Variants in NRCAM observed in about 807,000 individuals in gnomAD.
NRCAM encodes neuronal cell adhesion molecule, also known as NgCAM-related cell adhesion molecule.
NRCAM carries 83 observed loss-of-function variants against 156.5 expected under a neutral mutation model. The ratio of observed to expected loss-of-function variants is 0.53; its 90% CI spans 0.44 to 0.64. The LOEUF is 0.64. NRCAM is among the 30% of genes least tolerant of loss of function. NRCAM has a pLI of 0.00. For missense variants in NRCAM, 1,417 were observed against 1,597.3 expected (o/e 0.89, Z 1.92); for synonymous variants, 538 against 563.9 (o/e 0.95, Z 0.65).
intron 32 of NRCAM, among the ~76,000 whole-genome samples, chr7:108,155,137 CACACACATAT>C (rs1563168816): frequency 1.6e-5 from 2 of 122,150 alleles, no homozygotes; most frequent in African/African-American, 3.8e-5. Context: ...CACACACACA[CACACACATAT>C]AGCAGACCTT....
At position 108,181,881 on chromosome 7, in the gene NRCAM, C is replaced by T. The variant is rs768851472; in HGVS notation, c.2587G>A (p.Glu863Lys). The T allele has an allele frequency of 7.4e-5, 119 of 1,614,012 alleles. 1 individual carries two copies. Among genetic ancestry groups the T allele is most frequent in the Non-Finnish European group, 9.5e-5 (112 of 1,180,018 alleles). The change falls in exon 24 of 33, where the codon GAG (glutamate) becomes AAG (lysine). Residue 863 changes from glutamate (E) to lysine (K), a missense_variant. Physicochemically the swap from Glu to Lys is moderately conservative, Grantham distance 56. Around this residue, in one of 2 missense-constraint regions of NRCAM, gnomAD observed 1,238 missense variants for 1,336.4 expected, o/e 0.93. Coordinates refer to ENST00000379028, the MANE Select transcript of NRCAM (RefSeq NM_001037132.4). ...AGAGGTACTGGGTCCCAGTGCACCT[C>T]GGCTAAGGTACTGTTCACCACATTC... ...RVNVVNSTLA[E>K]VHWDPVPLKS...
intron 13 of NRCAM, among the ~76,000 whole-genome samples, chr7:108,198,313 CG>C (rs1455110341): frequency 6.6e-6 from 1 of 151,840 alleles, no homozygotes; most frequent in African/African-American, 2.4e-5. Context: ...AGTCTTAAGT[CG>C]ATTGATTCTG....
intron 2 of NRCAM, among the ~76,000 whole-genome samples, chr7:108,387,133 C>T (rs996715241): frequency 2.0e-5 from 3 of 152,126 alleles, no homozygotes; most frequent in Non-Finnish European, 4.4e-5. Context: ...GTAAGTTATG[C>T]CTCAATTTTC....
chr7:108,379,611 T>C (rs2099692249), intron 2 of NRCAM, among the ~76,000 whole-genome samples: 1 of 152,170 alleles, frequency 6.6e-6, no homozygotes, highest in South Asian at 2.1e-4. Context: ...TTTTATCCTA[T>C]GTGTATTTTA....
At chr7:108,176,873 T>A (rs968792124) in intron 26 of NRCAM, 2 of 231,154 alleles carry the variant, frequency 8.7e-6, no homozygotes, top group African/African-American at 2.3e-5. Context: ...AATGTTGTGG[T>A]TGAATCACAA....
At chr7:108,399,692 G>C (rs1215350137) in intron 1 of NRCAM, 99 bp from the exon 2 acceptor site, 1 of 152,154 alleles carries the variant, frequency 6.6e-6, no homozygotes, top group African/African-American at 2.4e-5. Flanking sequence ...AAATTGACAA[G>C]GGGGACTTAC....
chr7:108,338,633 AGAGACACAGAGAGG>A (rs2099236469), intron 2 of NRCAM, among the ~76,000 whole-genome samples: 1 of 151,830 alleles, frequency 6.6e-6, no homozygotes, highest in African/African-American at 2.4e-5. Flanking sequence ...CAGAGAGGGG[AGAGACACAGAGAGG>A]AGAAAGAGGC....
At chr7:108,292,162 G>C (rs79850745) in intron 3 of NRCAM, among the ~76,000 whole-genome samples, 4,899 of 152,244 alleles carry the variant, frequency 0.032, 237 homozygotes, top group African/African-American at 0.11. Context: ...TAATTTAAAA[G>C]TGCTATGTGG....
At chr7:108,363,354 G>GGCTTCCT (rs2099571568) in intron 2 of NRCAM, among the ~76,000 whole-genome samples, 1 of 151,974 alleles carries the variant, frequency 6.6e-6, no homozygotes, top group African/African-American at 2.4e-5. Flanking sequence ...GTACGACGTT[G>GGCTTCCT]GCTTCCTGCA....
intron 10 of NRCAM, among the ~76,000 whole-genome samples, chr7:108,225,156 A>G (rs898581618): frequency 1.1e-4 from 17 of 152,206 alleles, no homozygotes; most frequent in Admixed American, 2.0e-4. Context: ...TTTAAACAAA[A>G]CTAAGAGAGA....
At chr7:108,364,071 A>C (rs1168582583) in intron 2 of NRCAM, among the ~76,000 whole-genome samples, 1 of 152,252 alleles carries the variant, frequency 6.6e-6, no homozygotes, top group African/African-American at 2.4e-5. Context: ...ATACCAGCCA[A>C]ATGCAAGACG....
chr7:108,387,553 T>C (rs1480954702), intron 2 of NRCAM, among the ~76,000 whole-genome samples: 1 of 151,984 alleles, frequency 6.6e-6, no homozygotes, highest in Non-Finnish European at 1.5e-5. Context: ...TTTTTTAAAA[T>C]TTATTTATTT....
chr7:108,291,927 C>T (rs1314939127), intron 3 of NRCAM, among the ~76,000 whole-genome samples: 1 of 152,128 alleles, frequency 6.6e-6, no homozygotes, highest in Non-Finnish European at 1.5e-5. Flanking sequence ...TGGTCTCAAA[C>T]TCAAATGCCT....
chr7:108,286,377 T>C (rs1485382014), intron 3 of NRCAM, among the ~76,000 whole-genome samples: 2 of 151,906 alleles, frequency 1.3e-5, no homozygotes, highest in East Asian at 1.9e-4. Flanking sequence ...AAAATGATGA[T>C]AGAGATTCAG....
chr7:108,159,373 G>A (rs545722730), intron 32 of NRCAM, 90 bp downstream of exon 32: 4 of 1,100,046 alleles, frequency 3.6e-6, no homozygotes, highest in Middle Eastern at 2.0e-4. Context: ...AATATGAGAT[G>A]CCAGGCAGAG....
chr7:108,247,279 T>C (rs942267442), intron 3 of NRCAM, among the ~76,000 whole-genome samples: 4 of 152,200 alleles, frequency 2.6e-5, no homozygotes, highest in African/African-American at 9.7e-5. Flanking sequence ...TAAACTGAGA[T>C]TGGCTCTTTC....
At chr7:108,385,574 A>G (rs564728105) in intron 2 of NRCAM, among the ~76,000 whole-genome samples, 1 of 152,204 alleles carries the variant, frequency 6.6e-6, no homozygotes, top group Non-Finnish European at 1.5e-5. Context: ...AGTGTCAAGG[A>G]CTATATTTAA....
chr7:108,164,547 C>CCA lies in NRCAM; in HGVS notation c.3466+2373_3466+2374insTG, dbSNP rs145160841. The stretch of plus-strand genomic sequence containing the variant: ...TATTGACATCCTTACACCGCGGAAC[C>CCA]GAGAGGAGAGGAGAGGAGAGGAGAG... On this transcript the variant is annotated intron_variant, in intron 30 of 32. Coordinates refer to ENST00000379028, the MANE Select transcript of NRCAM (RefSeq NM_001037132.4). 2.7e-5 allele frequency among the ~76,000 whole-genome samples: 4 copies of CCA among 145,864 alleles called. No homozygotes were observed. The Middle Eastern group carries it at 0.011, about 385-fold the overall frequency.
At chr7:108,172,493 A>C (rs1354737948) in intron 28 of NRCAM, among the ~76,000 whole-genome samples, 1 of 152,090 alleles carries the variant, frequency 6.6e-6, no homozygotes, top group Non-Finnish European at 1.5e-5. Context: ...ATGGGGTTTC[A>C]CCATGTTGGC....
Sources: gnomAD v4.1 joint callset for allele counts (sites outside exome capture counted in the v4.1 genomes callset) on GRCh38, gnomAD v4.1.1 for gene constraint, gnomAD v4.1.1 regional missense constraint, MANE v1.5 for transcripts, NCBI Gene and HGNC (gene_info 2026-07-23, HGNC 2026-07-21) for gene names.